Variants in ATP6V1C1 observed in about 807,000 individuals in gnomAD.
ATP6V1C1 encodes the protein ATPase H+ transporting V1 subunit C1.
In ATP6V1C1, 45 loss-of-function variants were observed where a neutral mutation model predicts 53.9. The observed-to-expected ratio is 0.83, with a 90% CI of 0.66 to 1.07. The LOEUF is 1.07. ATP6V1C1 is among the 50% of genes least tolerant of loss of function. The probability of loss-of-function intolerance (pLI) is 0.00; values close to 1 mark genes in which losing one functional copy is unlikely to be tolerated. For synonymous variants in ATP6V1C1, 153 were observed against 155.2 expected (o/e 0.99, Z 0.11); for missense variants, 315 against 440.3 (o/e 0.72, Z 2.55).
chr8:103,029,392 C>T (rs1206774108), intron 1 of ATP6V1C1, among the ~76,000 whole-genome samples: 2 of 151,962 alleles, frequency 1.3e-5, no homozygotes, highest in Non-Finnish European at 2.9e-5. Flanking sequence ...GCCTCAGCCT[C>T]CCAAGTAGCT....
intron 1 of ATP6V1C1, among the ~76,000 whole-genome samples, chr8:103,036,829 C>G (rs1816906433): frequency 6.6e-6 from 1 of 152,124 alleles, no homozygotes; most frequent in Non-Finnish European, 1.5e-5. Context: ...TTAGCACAAT[C>G]ATCAGGAAGA....
intron 12 of ATP6V1C1, among the ~76,000 whole-genome samples, chr8:103,067,202 C>T (rs977252378): frequency 4.0e-5 from 6 of 151,710 alleles, no homozygotes; most frequent in Admixed American, 6.6e-5. Flanking sequence ...AGTTTGAGAC[C>T]GGCCTGGCCA....
At position 103,071,468 on chromosome 8, in the gene ATP6V1C1, G is replaced by C. The variant is rs551146004; in HGVS notation, c.*2721G>C. ...AACCTAAGATTTTTGACTGCTGGTTGTCACACTTCCCGCCCCACACTCAAC... is the reference window on the plus strand; with the variant it reads ...AACCTAAGATTTTTGACTGCTGGTTCTCACACTTCCCGCCCCACACTCAAC... On this transcript the variant is annotated 3_prime_UTR_variant, in exon 13 of 13. Transcript: ENST00000518738. The C allele has an allele frequency of 6.6e-6, 1 of 152,262 alleles. No homozygotes were observed. Among genetic ancestry groups the C allele is most frequent in the East Asian group, 1.9e-4 (1 of 5,176 alleles). The allele number at this position is 152,262 out of a possible 1,614,324, so 9.4% of individuals were successfully genotyped here.
At position 103,029,809 on chromosome 8, in the gene ATP6V1C1, C is replaced by T. The variant is rs369160376; in HGVS notation, c.-40+8584C>T. Among the ~76,000 whole-genome samples, 23 of 151,516 alleles carry T rather than the reference C, an allele frequency of 1.5e-4. No individual in the cohort carries two copies. The East Asian group carries it at 1.6e-3, about 10-fold the overall frequency. The stretch of plus-strand genomic sequence containing the variant: ...GTGCAGTGGCACAATCTCGGCTCAC[C>T]GCAACCTCTGCCTCCCGGGTTCAAG... On this transcript the variant is annotated intron_variant, in intron 1 of 12. Coordinates refer to ENST00000518738, the MANE Select transcript of ATP6V1C1 (RefSeq NM_001695.5).
intron 1 of ATP6V1C1, among the ~76,000 whole-genome samples, chr8:103,030,780 T>C (rs1816784380): frequency 6.6e-6 from 1 of 152,158 alleles, no homozygotes. Flanking sequence ...GGGGGGTCTC[T>C]GCAGGAGATC....
At chr8:103,035,602 G>A in intron 1 of ATP6V1C1, among the ~76,000 whole-genome samples, 1 of 152,184 alleles carries the variant, frequency 6.6e-6, no homozygotes, top group East Asian at 1.9e-4. Context: ...ATGGGGTGGG[G>A]CAGCAGCTAA....
chr8:103,044,677 T>C (rs1817063638), intron 3 of ATP6V1C1, among the ~76,000 whole-genome samples: 1 of 151,494 alleles, frequency 6.6e-6, no homozygotes, highest in Non-Finnish European at 1.5e-5. Flanking sequence ...TCTCCAACTT[T>C]TTTTTTTTTT....
At chr8:103,031,551 G>A (rs1041103006) in intron 1 of ATP6V1C1, among the ~76,000 whole-genome samples, 2 of 152,048 alleles carry the variant, frequency 1.3e-5, no homozygotes, top group African/African-American at 4.8e-5. Flanking sequence ...CTATGGGGAG[G>A]GCATTCTCTT....
intron 1 of ATP6V1C1, among the ~76,000 whole-genome samples, chr8:103,023,280 CTT>C (rs576209249): frequency 5.2e-4 from 59 of 113,008 alleles, no homozygotes; most frequent in South Asian, 9.0e-4. Flanking sequence ...CAGGTTGTGG[CTT>C]TTTTTTTTTT....
chr8:103,058,121 A>G (rs932565902), intron 8 of ATP6V1C1, among the ~76,000 whole-genome samples: 8 of 152,194 alleles, frequency 5.3e-5, no homozygotes, highest in African/African-American at 1.7e-4. Flanking sequence ...ACTCTGATAG[A>G]AAGACTTTAA....
intron 1 of ATP6V1C1, among the ~76,000 whole-genome samples, chr8:103,039,330 A>T (rs2515198): frequency 0.37 from 56,352 of 152,072 alleles, 10,735 homozygotes; most frequent in Admixed American, 0.46. Context: ...TTGTAGTGAG[A>T]AGGTAGCATT....
At chr8:103,038,326 A>C (rs1816935530) in intron 1 of ATP6V1C1, among the ~76,000 whole-genome samples, 1 of 152,130 alleles carries the variant, frequency 6.6e-6, no homozygotes, top group Non-Finnish European at 1.5e-5. Context: ...AGGCCTCTTG[A>C]GGTCTGAGCC....
In ATP6V1C1 at chr8:103,066,419, T is replaced by C. The variant is rs1429672471; in HGVS notation, c.1025T>C (p.Leu342Pro). The change falls in exon 12 of 13, where the codon CTA (leucine) becomes CCA (proline). Residue 342 changes from leucine to proline, a missense_variant. Physicochemically the swap from Leu to Pro is moderately conservative, Grantham distance 98. Transcript: ENST00000518738. ...REVLHELYKH[L>P]DSSAAAIIDA... ...GTATTACATGAATTGTATAAACATC[T>C]AGACAGCAGTGCAGCAGCTATTATT... 1 of 1,610,834 alleles carries C rather than the reference T, an allele frequency of 6.2e-7. No individual in the cohort carries two copies. Among genetic ancestry groups the C allele is most frequent in the Non-Finnish European group, 8.5e-7 (1 of 1,179,216 alleles).
intron 3 of ATP6V1C1, among the ~76,000 whole-genome samples, chr8:103,045,497 G>A (rs908403958): frequency 1.3e-5 from 2 of 152,086 alleles, no homozygotes; most frequent in Admixed American, 6.6e-5. Flanking sequence ...GAAAGGAAAA[G>A]CAACTTTTAG....
At chr8:103,029,284 C>CTCTCT (rs1816752189) in intron 1 of ATP6V1C1, among the ~76,000 whole-genome samples, 2 of 42,400 alleles carry the variant, frequency 4.7e-5, no homozygotes, top group Non-Finnish European at 9.9e-5. Flanking sequence ...TCTCTCTCTT[C>CTCTCT]TTTTTTTTTT....
intron 2 of ATP6V1C1, 65 bp downstream of exon 2, chr8:103,041,033 T>C (rs1816990956): frequency 6.6e-7 from 1 of 1,518,394 alleles, no homozygotes; most frequent in Non-Finnish European, 8.9e-7. Flanking sequence ...GTTCTCTCTT[T>C]TAGTGGAAAT....
intron 10 of ATP6V1C1, 189 bp downstream of exon 10, chr8:103,063,417 T>C: frequency 4.0e-6 from 2 of 503,318 alleles, no homozygotes; most frequent in East Asian, 3.2e-5. Flanking sequence ...AACTATTCTA[T>C]TTCTAAGAAA....
chr8:103,042,898 G>A (rs1182472353), intron 3 of ATP6V1C1, among the ~76,000 whole-genome samples: 1 of 152,096 alleles, frequency 6.6e-6, no homozygotes, highest in Non-Finnish European at 1.5e-5. Context: ...ATGTTTTGAA[G>A]TTTATCCCAG....
chr8:103,052,844 G>C, intron 6 of ATP6V1C1, 22 bp downstream of exon 6: 1 of 1,474,716 alleles, frequency 6.8e-7, no homozygotes, highest in Non-Finnish European at 9.2e-7. Flanking sequence ...AAGTATATTT[G>C]AGTACTAAGA....
Sources: allele counts gnomAD v4.1 joint callset (sites outside exome capture counted in the v4.1 genomes callset), GRCh38; gene constraint gnomAD v4.1.1; transcripts MANE v1.5; gene names NCBI Gene and HGNC (gene_info 2026-07-23, HGNC 2026-07-21).